INSC: variants seen among roughly 807,000 people sequenced by gnomAD.
INSC encodes the protein protein inscuteable homolog.
Under a neutral mutation model 58.6 loss-of-function variants are expected in INSC, and 67 were observed. The ratio of observed to expected loss-of-function variants is 1.14; its 90% CI spans 0.94 to 1.40. The LOEUF (loss-of-function observed/expected upper bound fraction) is 1.40, where lower values mean the gene tolerates loss of function less well. Among genes scored for constraint, INSC ranks in the 40% most tolerant of loss-of-function variants. The pLI is 0.00. For synonymous variants in INSC, 262 were observed against 276.1 expected (o/e 0.95, Z 0.51); for missense variants, 714 against 692.0 (o/e 1.03, Z -0.36).
At chr11:15,203,466 A>G (rs552859748) in intron 7 of INSC, among the ~76,000 whole-genome samples, 2 of 152,326 alleles carry the variant, frequency 1.3e-5, no homozygotes, top group Non-Finnish European at 2.9e-5. Flanking sequence ...TAACAACTAC[A>G]TTGTGTAGCA....
chr11:15,239,158 G>A lies in INSC; in HGVS notation c.1393+84G>A, dbSNP rs1852247314. 6 of 1,493,698 alleles carry A rather than the reference G, an allele frequency of 4.0e-6. No homozygotes were observed. The East Asian group carries it at 1.4e-4, about 35-fold the overall frequency. The allele number at this position is 1,493,698 out of a possible 1,614,324, so 92.5% of individuals were successfully genotyped here. A position where few individuals can be genotyped will look rare whatever the true frequency, so the allele number is the denominator to read the frequency against. ...GCTCTGATTTCACAGTGGCAACAGT[G>A]GACACAGGGCAAGAGCTGGCTGGCA... On this transcript the variant is annotated intron_variant, in intron 11 of 12. Coordinates refer to ENST00000379556, the MANE Select transcript of INSC (RefSeq NM_001042536.3).
At chr11:15,206,275 T>C (rs1323518147) in intron 7 of INSC, among the ~76,000 whole-genome samples, 1 of 152,020 alleles carries the variant, frequency 6.6e-6, no homozygotes, top group Non-Finnish European at 1.5e-5. Context: ...GTTGCCGGTG[T>C]AGGCAGCACC....
intron 1 of INSC, among the ~76,000 whole-genome samples, chr11:15,129,759 A>AT (rs532411143): frequency 8.7e-4 from 132 of 152,282 alleles, no homozygotes; most frequent in African/African-American, 2.9e-3. Context: ...AATTAAAATA[A>AT]TTTTTTTGTA....
At chr11:15,226,141 T>C (rs1331261492) in intron 9 of INSC, among the ~76,000 whole-genome samples, 2 of 152,016 alleles carry the variant, frequency 1.3e-5, no homozygotes, top group Non-Finnish European at 2.9e-5. Flanking sequence ...TCCCAACCAC[T>C]GTAGGGCCTT....
chr11:15,159,910 C>T (rs138037561), intron 2 of INSC, among the ~76,000 whole-genome samples: 14 of 152,296 alleles, frequency 9.2e-5, no homozygotes, highest in African/African-American at 1.4e-4. Flanking sequence ...CCTCACAACC[C>T]GATGAGACAG....
intron 7 of INSC, among the ~76,000 whole-genome samples, chr11:15,204,044 C>T (rs1850700293): frequency 6.6e-6 from 1 of 152,206 alleles, no homozygotes; most frequent in South Asian, 2.1e-4. Context: ...AATATTTACT[C>T]TCTGGCCATC....
At chr11:15,221,430 G>C in intron 7 of INSC, 47 bp from the exon 8 acceptor site, 2 of 1,560,588 alleles carry the variant, frequency 1.3e-6, no homozygotes, top group South Asian at 2.4e-5. Flanking sequence ...CATGGGCAGT[G>C]GTGTCCACCC....
chr11:15,252,354 A>G, the INSC span, among the ~76,000 whole-genome samples: 3 of 152,246 alleles, frequency 2.0e-5, no homozygotes, highest in Non-Finnish European at 4.4e-5. Context: ...TAAAAGGATG[A>G]ATTTATGATA....
chr11:15,205,282 T>C (rs1007670482), intron 7 of INSC, among the ~76,000 whole-genome samples: 3 of 152,226 alleles, frequency 2.0e-5, no homozygotes, highest in Non-Finnish European at 2.9e-5. Context: ...CCACCACTAA[T>C]TCACTCTATG....
At chr11:15,239,224 G>A (rs1045811447) in intron 11 of INSC, 150 bp downstream of exon 11, 3 of 947,516 alleles carry the variant, frequency 3.2e-6, no homozygotes, top group Admixed American at 3.1e-5. Flanking sequence ...AGGCTCAGGG[G>A]TGCAGCCGCT....
At chr11:15,266,202 G>T in the INSC span, among the ~76,000 whole-genome samples, 3 of 151,628 alleles carry the variant, frequency 2.0e-5, no homozygotes, top group South Asian at 2.1e-4. Flanking sequence ...AATAAAATAG[G>T]TTAAAATAAA....
At position 15,240,490 on chromosome 11, in the gene INSC, G is replaced by T; in HGVS notation, c.1437G>T (p.Arg479Ser). The T allele has an allele frequency of 1.2e-6, 2 of 1,613,932 alleles. No homozygotes were observed. The highest frequency in any genetic ancestry group is 8.5e-7 in the Non-Finnish European group (1 of 1,179,958). Residue 479 changes from arginine to serine, a missense_variant, in exon 12 of 13, where the codon AGG becomes AGT. Transcript: ENST00000379556. ...LIELCRSPSE[R>S]NSSDAVLVAC... is the part of the protein sequence containing the mutation. ...AGCTCTGCAGATCCCCATCAGAGAG[G>T]AACAGCAGTGACGCCGTGCTTGTGG...
At position 15,238,823 on chromosome 11, in the gene INSC, G is replaced by A; in HGVS notation, c.1238-96G>A. 3.8e-6 allele frequency: 5 copies of A among 1,302,682 alleles called. No individual in the cohort carries two copies. In the South Asian group the frequency reaches 5.7e-5, roughly 15 times the overall value. 80.7% of individuals were successfully genotyped at this position (1,302,682 alleles called of 1,614,324 possible). A position where few individuals can be genotyped will look rare whatever the true frequency, so the allele number is the denominator to read the frequency against. On this transcript the variant is annotated intron_variant, in intron 10 of 12. Coordinates refer to ENST00000379556, the MANE Select transcript of INSC (RefSeq NM_001042536.3). Reference sequence around the variant, plus strand: ...TGAGACCCCTGAAGTCATCCTGACAGCCTTTGCTTGCACCCTGCAGCCATC... The same window carrying A: ...TGAGACCCCTGAAGTCATCCTGACAACCTTTGCTTGCACCCTGCAGCCATC...
At chr11:15,206,821 G>T (rs1200355306) in intron 7 of INSC, among the ~76,000 whole-genome samples, 1 of 152,204 alleles carries the variant, frequency 6.6e-6, no homozygotes, top group East Asian at 1.9e-4. Flanking sequence ...AATATGGGTG[G>T]GTCTTGCAGC....
chr11:15,211,219 C>T (rs1851013997), intron 7 of INSC, among the ~76,000 whole-genome samples: 1 of 152,194 alleles, frequency 6.6e-6, no homozygotes, highest in African/African-American at 2.4e-5. Context: ...GCTGGACATA[C>T]AGTGCTCTGC....
At chr11:15,209,721 T>G (rs1390987805) in intron 7 of INSC, among the ~76,000 whole-genome samples, 1 of 152,242 alleles carries the variant, frequency 6.6e-6, no homozygotes, top group African/African-American at 2.4e-5. Context: ...TGGTTCGTTC[T>G]TCCTCATTGC....
rs148266673 is a variant in INSC, at chr11:15,203,647, C to G, written c.819+2698C>G. ...AATTCATTCATTCAGCAAATATTTA[C>G]TATCTGCTATTTGCTAGGCACTGTT... On this transcript the variant is annotated intron_variant, in intron 7 of 12. Transcript: ENST00000379556. Among the ~76,000 whole-genome samples the G allele has an allele frequency of 3.5e-3, 540 of 152,310 alleles. 3 individuals carry two copies. The highest frequency in any genetic ancestry group is 0.027 in the Middle Eastern group (8 of 294).
Position 15,179,018 on chromosome 11 carries a change from A to G in INSC, c.579+571A>G, listed in dbSNP as rs530661938. On this transcript the variant is annotated intron_variant, in intron 5 of 12. Transcript: ENST00000379556. ...AGAATCTAGAAAGATCATATAGTCTAGCCCCTGCCTCTAGGCAGGCTTGTG... is the reference window on the plus strand; with the variant it reads ...AGAATCTAGAAAGATCATATAGTCTGGCCCCTGCCTCTAGGCAGGCTTGTG... Among the ~76,000 whole-genome samples the G allele has an allele frequency of 2.5e-4, 38 of 152,344 alleles. 1 individual carries two copies. In the Middle Eastern group the frequency reaches 0.01, roughly 41 times the overall value.
intron 1 of INSC, among the ~76,000 whole-genome samples, chr11:15,126,245 GC>G (rs1225404407): frequency 6.6e-6 from 1 of 151,976 alleles, no homozygotes; most frequent in African/African-American, 2.4e-5. Context: ...AACCTGCTTG[GC>G]CTTTAGGCCA....
Sources: gnomAD v4.1 joint callset for allele counts (sites outside exome capture counted in the v4.1 genomes callset) on GRCh38, gnomAD v4.1.1 for gene constraint, MANE v1.5 for transcripts, NCBI Gene and HGNC (gene_info 2026-07-23, HGNC 2026-07-21) for gene names.